Variants in NRXN3 observed in about 807,000 individuals in gnomAD.
NRXN3 encodes the protein neurexin 3, also known as neurexin III.
In NRXN3, 32 loss-of-function variants were observed where a neutral mutation model predicts 137.6. The ratio of observed to expected loss-of-function variants is 0.23; its 90% CI spans 0.18 to 0.31. The LOEUF (loss-of-function observed/expected upper bound fraction) is 0.31. NRXN3 is among the 10% of genes least tolerant of loss of function. The pLI is 1.00. For missense variants in NRXN3, 1,574 were observed against 2,062.5 expected (o/e 0.76, Z 4.59); for synonymous variants, 798 against 784.5 (o/e 1.02, Z -0.29).
chr14:78,716,535 T>G (rs867631304), intron 8 of NRXN3, among the ~76,000 whole-genome samples: 7 of 152,084 alleles, frequency 4.6e-5, no homozygotes, highest in Non-Finnish European at 5.9e-5. Flanking sequence ...AAGAAGGACA[T>G]GGAGATTCAG....
chr14:79,044,148 C>T (rs747287810), intron 15 of NRXN3, among the ~76,000 whole-genome samples: 10 of 152,194 alleles, frequency 6.6e-5, no homozygotes, highest in Non-Finnish European at 1.2e-4. Flanking sequence ...CACCTAATTA[C>T]GCTCAGTAAG....
At chr14:79,316,750 C>G (rs911255085) in intron 15 of NRXN3, among the ~76,000 whole-genome samples, 1 of 151,882 alleles carries the variant, frequency 6.6e-6, no homozygotes, top group Non-Finnish European at 1.5e-5. Flanking sequence ...CTCTCTCTCT[C>G]TCTCTCTCTC....
intron 19 of NRXN3, among the ~76,000 whole-genome samples, chr14:79,727,534 G>A (rs1221883836): frequency 1.3e-5 from 2 of 152,080 alleles, no homozygotes; most frequent in Non-Finnish European, 2.9e-5. Context: ...TGAAATAAAT[G>A]TGGAGGAACA....
At chr14:79,480,167 T>C (rs956431297) in intron 16 of NRXN3, among the ~76,000 whole-genome samples, 1 of 152,158 alleles carries the variant, frequency 6.6e-6, no homozygotes, top group Non-Finnish European at 1.5e-5. Context: ...CAGCAGAGTA[T>C]AGTAAATACT....
At chr14:79,552,776 CG>C (rs1397295554) in intron 16 of NRXN3, among the ~76,000 whole-genome samples, 4 of 152,026 alleles carry the variant, frequency 2.6e-5, no homozygotes, top group Non-Finnish European at 5.9e-5. Flanking sequence ...GACAGAACTG[CG>C]CTTCAAACAA....
chr14:79,039,683 A>G (rs1312921566), intron 15 of NRXN3, among the ~76,000 whole-genome samples: 2 of 151,946 alleles, frequency 1.3e-5, no homozygotes, highest in South Asian at 2.1e-4. Context: ...GTGCTTTTTC[A>G]TATTCTTTTT....
chr14:78,375,532 C>G (rs1204820014), intron 4 of NRXN3, among the ~76,000 whole-genome samples: 1 of 152,140 alleles, frequency 6.6e-6, no homozygotes, highest in Non-Finnish European at 1.5e-5. Flanking sequence ...TAGTAAGCTC[C>G]TATTATGTGC....
intron 6 of NRXN3, among the ~76,000 whole-genome samples, chr14:78,690,145 C>T (rs1337320936): frequency 1.3e-5 from 2 of 152,184 alleles, no homozygotes; most frequent in Non-Finnish European, 2.9e-5. Flanking sequence ...ACCTCCATGG[C>T]ATCCTAACTT....
chr14:78,319,870 G>C (rs913190241), intron 4 of NRXN3, among the ~76,000 whole-genome samples: 1 of 152,206 alleles, frequency 6.6e-6, no homozygotes, highest in Admixed American at 6.5e-5. Flanking sequence ...AGGAGAAAAT[G>C]CTTAAGAAAT....
At chr14:78,973,930 T>A (rs1394226902) in intron 14 of NRXN3, among the ~76,000 whole-genome samples, 2 of 152,190 alleles carry the variant, frequency 1.3e-5, no homozygotes, top group East Asian at 1.9e-4. Context: ...TTATATGCCA[T>A]GTAGCTAACC....
intron 19 of NRXN3, among the ~76,000 whole-genome samples, chr14:79,774,924 G>A (rs1036059690): frequency 2.6e-5 from 4 of 151,926 alleles, no homozygotes; most frequent in African/African-American, 9.7e-5. Flanking sequence ...AGTGGATTAA[G>A]TATGATATAT....
At chr14:78,996,276 T>C (rs754910394) in intron 15 of NRXN3, among the ~76,000 whole-genome samples, 1 of 152,164 alleles carries the variant, frequency 6.6e-6, no homozygotes, top group Non-Finnish European at 1.5e-5. Context: ...ACCCTAAAAG[T>C]AGATACTATT....
At position 78,929,552 on chromosome 14, in the gene NRXN3, G is replaced by A. The variant is rs2099315809; in HGVS notation, c.2276-27690G>A. On this transcript the variant is annotated intron_variant, in intron 10 of 20. Transcript: ENST00000335750. ...GGACACGATCTCATTCTTTTTTATG[G>A]CTGCATAGTATTCCATGGTGCATAT... Among the ~76,000 whole-genome samples, 3 of 152,112 alleles carry A rather than the reference G, an allele frequency of 2.0e-5. No homozygotes were observed. The South Asian group carries it at 6.2e-4, about 32-fold the overall frequency.
intron 8 of NRXN3, among the ~76,000 whole-genome samples, chr14:78,715,943 AC>A (rs1472399456): frequency 1.3e-5 from 2 of 152,216 alleles, no homozygotes; most frequent in African/African-American, 4.8e-5. Flanking sequence ...ATACAGGTTC[AC>A]TGTATAGTGA....
chr14:79,226,256 G>A (rs1258027337), intron 15 of NRXN3, among the ~76,000 whole-genome samples: 2 of 152,100 alleles, frequency 1.3e-5, no homozygotes, highest in Admixed American at 1.3e-4. Flanking sequence ...AGCAAAAAGA[G>A]AAAGTCAAGC....
At chr14:79,157,262 A>G (rs943348523) in intron 15 of NRXN3, among the ~76,000 whole-genome samples, 4 of 151,774 alleles carry the variant, frequency 2.6e-5, no homozygotes, top group African/African-American at 9.7e-5. Context: ...AAATATTTTC[A>G]CTTTGATTTC....
chr14:78,981,846 G>A (rs2099490259), intron 14 of NRXN3, among the ~76,000 whole-genome samples: 1 of 152,154 alleles, frequency 6.6e-6, no homozygotes, highest in Non-Finnish European at 1.5e-5. Flanking sequence ...ACTGCTATGT[G>A]AAATGCATAC....
At chr14:79,385,472 C>T (rs2094587567) in intron 15 of NRXN3, among the ~76,000 whole-genome samples, 1 of 151,994 alleles carries the variant, frequency 6.6e-6, no homozygotes, top group Non-Finnish European at 1.5e-5. Context: ...TAGATGGTGT[C>T]TTGATCAGCA....
intron 4 of NRXN3, among the ~76,000 whole-genome samples, chr14:78,474,930 T>C (rs76533484): frequency 0.017 from 2,592 of 152,280 alleles, 72 homozygotes; most frequent in African/African-American, 0.06. Context: ...AAAGTACAGA[T>C]CTTTAGGTCT....
Sources: allele counts gnomAD v4.1 joint callset (sites outside exome capture counted in the v4.1 genomes callset), GRCh38; gene constraint gnomAD v4.1.1; transcripts MANE v1.5; gene names NCBI Gene and HGNC (gene_info 2026-07-23, HGNC 2026-07-21).